The following RNF144A variants were observed in gnomAD, a reference collection of about 807,000 sequenced individuals.
RNF144A encodes the protein E3 ubiquitin-protein ligase RNF144A.
A neutral mutation model predicts 38.7 loss-of-function variants in RNF144A; 11 were observed. The observed-to-expected ratio is 0.28, with a 90% confidence interval of 0.18 to 0.47. The LOEUF (loss-of-function observed/expected upper bound fraction) is 0.47, where lower values mean the gene tolerates loss of function less well. Among genes scored for constraint, RNF144A ranks in the 20% least tolerant of loss-of-function variants. RNF144A has a pLI of 0.99. For synonymous variants in RNF144A, 149 were observed against 143.9 expected, an observed-to-expected ratio of 1.04 and a Z score of -0.25; for missense variants, 316 against 377.2, an observed-to-expected ratio of 0.84 and a Z score of 1.34.
chr2:6,978,323 C>T (rs777879045), intron 2 of RNF144A, among the ~76,000 whole-genome samples: 1 of 152,194 alleles, frequency 6.6e-6, no homozygotes, highest in Non-Finnish European at 1.5e-5. Flanking sequence ...GACTTGTACT[C>T]TCTTAACAGC....
intron 2 of RNF144A, among the ~76,000 whole-genome samples, chr2:6,967,149 T>C (rs1000047879): frequency 6.6e-6 from 1 of 152,166 alleles, no homozygotes; most frequent in Non-Finnish European, 1.5e-5. Flanking sequence ...CAGTTTCCCA[T>C]GGTCACCCGC....
Position 7,042,369 on chromosome 2 carries a change from A to T in RNF144A, c.*2609A>T. ...CGGACTTATTCCTGTGAAGCGGCAT[A>T]ATTTGTCTCCATTGAAAAATGGCAT... On this transcript the variant is annotated 3_prime_UTR_variant, in exon 9 of 9. Transcript: ENST00000320892. The T allele has an allele frequency of 6.1e-6, 6 of 985,410 alleles. No individual in the cohort carries two copies. The highest frequency in any genetic ancestry group is 6.0e-6 in the Non-Finnish European group (5 of 829,946). The allele number at this position is 985,410 out of a possible 1,614,324, so 61.0% of individuals were successfully genotyped here.
chr2:6,988,918 C>T (rs889478057), intron 2 of RNF144A, among the ~76,000 whole-genome samples: 1 of 152,074 alleles, frequency 6.6e-6, no homozygotes. Context: ...TCATGCTACT[C>T]TGTTGCTCTG....
chr2:6,918,320 C>T (rs1046349349), intron 1 of RNF144A: 7 of 152,474 alleles, frequency 4.6e-5, no homozygotes, highest in African/African-American at 1.7e-4. Context: ...GCCCCCTGCA[C>T]TGTGCTTGGC....
chr2:7,073,299 C>T, the RNF144A span, among the ~76,000 whole-genome samples: 2 of 152,202 alleles, frequency 1.3e-5, no homozygotes, highest in African/African-American at 4.8e-5. Flanking sequence ...CCGCTTTGTA[C>T]TTTCTGATGC....
downstream of RNF144A, among the ~76,000 whole-genome samples, chr2:7,073,196 C>A (rs528843195): frequency 6.6e-6 from 1 of 152,202 alleles, no homozygotes; most frequent in African/African-American, 2.4e-5. Flanking sequence ...GGAAGGTCTA[C>A]TCCTCCTTCA....
At chr2:6,973,763 C>G (rs1015120645) in intron 2 of RNF144A, among the ~76,000 whole-genome samples, 1 of 152,190 alleles carries the variant, frequency 6.6e-6, no homozygotes, top group African/African-American at 2.4e-5. Context: ...GTCCATGGGC[C>G]AAATCCAGCC....
Position 6,958,943 on chromosome 2 carries a change from G to A in RNF144A, c.-12+17796G>A, listed in dbSNP as rs1667170340. ...TTTACCCAGTGACTCCCTAAATGGT[G>A]CATTAGATCATCTTGCAGGTGCAGC... On this transcript the variant is annotated intron_variant, in intron 2 of 8. Coordinates refer to ENST00000320892, the MANE Select transcript of RNF144A (RefSeq NM_014746.6). The surrounding 1 kb of genome is among the most constrained non-coding windows in gnomAD (Gnocchi z 4.5). Among the ~76,000 whole-genome samples the A allele has an allele frequency of 6.6e-6, 1 of 152,224 alleles. No homozygotes were observed. The highest frequency in any genetic ancestry group is 1.5e-5 in the Non-Finnish European group (1 of 68,030).
chr2:6,965,846 G>A (rs1412314993), intron 2 of RNF144A, among the ~76,000 whole-genome samples: 1 of 151,866 alleles, frequency 6.6e-6, no homozygotes, highest in Non-Finnish European at 1.5e-5. Context: ...TGCCTATCAG[G>A]GTTTTCACTT....
intron 2 of RNF144A, among the ~76,000 whole-genome samples, chr2:6,946,821 T>A (rs1666372126): frequency 6.6e-6 from 1 of 152,176 alleles, no homozygotes; most frequent in Admixed American, 6.5e-5. Flanking sequence ...TTATAAAGTC[T>A]TAGTATAGTC....
intron 2 of RNF144A, among the ~76,000 whole-genome samples, chr2:6,957,715 T>C (rs1254810499): frequency 6.6e-6 from 1 of 152,258 alleles, no homozygotes; most frequent in Non-Finnish European, 1.5e-5. Flanking sequence ...CCTCTGGTTC[T>C]AGGCCTCTGC....
chr2:6,983,571 C>G (rs942474048), intron 2 of RNF144A, among the ~76,000 whole-genome samples: 25 of 152,160 alleles, frequency 1.6e-4, no homozygotes, highest in Non-Finnish European at 7.4e-5. Context: ...GTGACATTTT[C>G]AGGATGCAGG....
At chr2:6,940,471 G>A (rs890038494) in intron 1 of RNF144A, among the ~76,000 whole-genome samples, 1 of 152,034 alleles carries the variant, frequency 6.6e-6, no homozygotes, top group Non-Finnish European at 1.5e-5. Context: ...GTTTTCCATG[G>A]ATCGTAATGT....
chr2:7,044,635 A>G (rs752082821), downstream of RNF144A, among the ~76,000 whole-genome samples: 97 of 152,360 alleles, frequency 6.4e-4, 1 homozygote, highest in Middle Eastern at 3.4e-3. Context: ...GAGAAAGTGG[A>G]ATAAATATGG....
intron 8 of RNF144A, 42 bp downstream of exon 8, chr2:7,030,257 CTG>C (rs58324246): frequency 0.035 from 24,933 of 720,870 alleles, 102 homozygotes; most frequent in African/African-American, 0.056. Flanking sequence ...CAGAGAGAGA[CTG>C]TGTGTGTGTG....
chr2:6,961,311 C>T (rs191917884), intron 2 of RNF144A, among the ~76,000 whole-genome samples: 18 of 151,930 alleles, frequency 1.2e-4, no homozygotes, highest in African/African-American at 2.2e-4. Context: ...TTATGTGCTA[C>T]GACAATATGA....
intron 2 of RNF144A, 33 bp from the exon 3 acceptor site, chr2:6,996,883 G>A: frequency 1.2e-6 from 2 of 1,601,154 alleles, no homozygotes; most frequent in Non-Finnish European, 1.7e-6. Flanking sequence ...CAGGGGTGGG[G>A]AGGTCTGACC....
At chr2:7,061,359 T>G (rs748407001) in intron 6 of RNF144A, among the ~76,000 whole-genome samples, 10 of 152,214 alleles carry the variant, frequency 6.6e-5, no homozygotes, top group African/African-American at 2.2e-4. Flanking sequence ...CAGCTGAATA[T>G]TTATGAATGT....
intron 1 of RNF144A, among the ~76,000 whole-genome samples, chr2:6,922,453 C>G (rs1664597282): frequency 6.6e-6 from 1 of 152,114 alleles, no homozygotes; most frequent in South Asian, 2.1e-4. Flanking sequence ...CCTGGGAATA[C>G]TTTTTAGGTT....
Sources: allele counts gnomAD v4.1 joint callset (sites outside exome capture counted in the v4.1 genomes callset), GRCh38; gene constraint gnomAD v4.1.1; non-coding constraint Gnocchi (gnomAD v3.1); transcripts MANE v1.5; gene names NCBI Gene and HGNC (gene_info 2026-07-23, HGNC 2026-07-21).